The following GCN1 variants were observed in gnomAD, a reference collection of about 807,000 sequenced individuals.
The protein encoded by GCN1 is GCN1 activator of EIF2AK4.
In GCN1, 90 loss-of-function variants were observed where a neutral mutation model predicts 288.4. The ratio of observed to expected loss-of-function variants is 0.31; its 90% CI spans 0.26 to 0.37. The LOEUF is 0.37. GCN1 is among the 10% of genes least tolerant of loss of function. GCN1 has a pLI of 1.00. For synonymous variants in GCN1, 1,386 were observed against 1,420.2 expected (o/e 0.98, Z 0.54); for missense variants, 2,586 against 3,419.9 (o/e 0.76, Z 6.08).
chr12:120,174,591 C>G (rs1276534275), intron 12 of GCN1, among the ~76,000 whole-genome samples: 1 of 150,624 alleles, frequency 6.6e-6, no homozygotes, highest in Non-Finnish European at 1.5e-5. Flanking sequence ...AAGATCGAGA[C>G]CATCCTGGCC....
In GCN1 at chr12:120,137,239, G is replaced by C. The variant is rs1288667088; in HGVS notation, c.6744C>G (p.Gly2248=). 3.1e-6 allele frequency: 5 copies of C among 1,613,956 alleles called. No individual in the cohort carries two copies. The highest frequency in any genetic ancestry group is 3.4e-6 in the Non-Finnish European group (4 of 1,179,980). ...GGAGGCAGAATCCTGGCACATGCTCGCCTTTGCTCTCGTTCCCTATGAGCC... is the reference window on the plus strand; with the variant it reads ...GGAGGCAGAATCCTGGCACATGCTCCCCTTTGCTCTCGTTCCCTATGAGCC... ...EIRLIGNESK[G]EHVPGFCLPK... Residue 2248 remains glycine (G), a synonymous_variant, in exon 50 of 58, where the codon GGC becomes GGG. Coordinates refer to ENST00000300648, the MANE Select transcript of GCN1 (RefSeq NM_006836.2). The surrounding 1 kb of genome is among the most constrained non-coding windows in gnomAD (Gnocchi z 5.2).
At chr12:120,161,725 G>T in intron 21 of GCN1, 142 bp from the exon 22 acceptor site, 1 of 904,520 alleles carries the variant, frequency 1.1e-6, no homozygotes, top group Non-Finnish European at 1.8e-6. Flanking sequence ...TAAATACCCA[G>T]GACCTAAGCA....
Position 120,137,874 on chromosome 12 carries a change from G to A in GCN1, c.6393+27C>T, listed in dbSNP as rs746120580. On this transcript the variant is annotated intron_variant, in intron 48 of 57. Transcript: ENST00000300648. This position sits in a 1 kb window ranked among gnomAD's most constrained non-coding sequence, Gnocchi z 5.2. Reference sequence around the variant, plus strand: ...GATCCTCCGGGCAGACGGGACATGAGAAAGCAGGAGCAGGCTCGCCCCTTA... The same window carrying A: ...GATCCTCCGGGCAGACGGGACATGAAAAAGCAGGAGCAGGCTCGCCCCTTA... 7 of 1,613,320 alleles carry A rather than the reference G, an allele frequency of 4.3e-6. No homozygotes were observed. The highest frequency in any genetic ancestry group is 1.3e-5 in the African/African-American group (1 of 74,942).
intron 5 of GCN1, among the ~76,000 whole-genome samples, chr12:120,180,273 G>T (rs1045781312): frequency 1.3e-5 from 2 of 151,892 alleles, no homozygotes; most frequent in African/African-American, 4.8e-5. Context: ...GCGGTGAGCC[G>T]AGATCACGCC....
chr12:120,143,640 C>A (rs1877269949), intron 42 of GCN1, among the ~76,000 whole-genome samples: 2 of 150,908 alleles, frequency 1.3e-5, no homozygotes, highest in Non-Finnish European at 2.9e-5. Context: ...TTTAAATCAA[C>A]CTCCAATTTT....
rs1878554104 is a variant in GCN1 at position 120,178,667 on chromosome 12, G to C, written c.618C>G (p.Phe206Leu). 2.5e-6 allele frequency: 4 copies of C among 1,614,212 alleles called. No individual in the cohort carries two copies. Among genetic ancestry groups the C allele is most frequent in the Non-Finnish European group, 3.4e-6 (4 of 1,180,014 alleles). The change falls in exon 7 of 58, where the codon TTC (phenylalanine) becomes TTG (leucine). Residue 206 changes from phenylalanine (F) to leucine (L), a missense_variant. By Grantham distance (22) the Phe-to-Leu change is conservative. This residue lies in a region of GCN1 where 913 missense variants were observed against 1,107.0 expected (regional missense o/e 0.82). Transcript: ENST00000300648. ...YAGMLGLLVQ[F>L]CTSHKEMDVV... ...CGTCCATCTCCTTGTGACTCGTGCA[G>C]AACTGCACCAGCAGCCCCAGCATGC...
rs994244862 is a variant in GCN1 at position 120,155,177 on chromosome 12, G to A, written c.3630+64C>T. On this transcript the variant is annotated intron_variant, in intron 30 of 57. Coordinates refer to ENST00000300648, the MANE Select transcript of GCN1 (RefSeq NM_006836.2). This position sits in a 1 kb window ranked among gnomAD's most constrained non-coding sequence, Gnocchi z 4.9. ...AGATTCCTGTCTGGAGCAGTAGCGG[G>A]GTGAGCAGAGACCCACCCAACCGCA... 1 of 1,549,586 alleles carries A rather than the reference G, an allele frequency of 6.5e-7. No individual in the cohort carries two copies. The highest frequency in any genetic ancestry group is 1.4e-5 in the African/African-American group (1 of 73,630).
rs1877803125 is a variant in GCN1, at chr12:120,157,909, G to A, written c.3027C>T (p.Ile1009=). 1.9e-6 allele frequency: 3 copies of A among 1,614,046 alleles called. No individual in the cohort carries two copies. Among genetic ancestry groups the A allele is most frequent in the Non-Finnish European group, 2.5e-6 (3 of 1,180,042 alleles). The change falls in exon 26 of 58, where the codon ATC becomes ATT. Residue 1009 remains isoleucine (I), a synonymous_variant. Transcript: ENST00000300648. ...CCCTCAGCTGGGCTTGGACAGTGAG[G>A]ATCTGAAGAATCTGGGCCATCCACT... ...EEEWMAQILQ[I]LTVQAQLRAS...
chr12:120,141,070 G>A, intron 44 of GCN1, 47 bp from the exon 45 acceptor site: 7 of 1,553,494 alleles, frequency 4.5e-6, no homozygotes, highest in Non-Finnish European at 6.1e-6. Flanking sequence ...GCAAAGCCCA[G>A]GGCACCCAGA....
Position 120,145,254 on chromosome 12 carries a change from A to T in GCN1, c.5016+8T>A. ...CCTGGCCCATCCCCCAGCCTACCTCAGACTCACCTCAGGCACAGGGTCCAA... is the reference window on the plus strand; with the variant it reads ...CCTGGCCCATCCCCCAGCCTACCTCTGACTCACCTCAGGCACAGGGTCCAA... On this transcript the variant is annotated splice_region_variant and intron_variant, in intron 39 of 57. Transcript: ENST00000300648. 1 of 1,594,650 alleles carries T rather than the reference A, an allele frequency of 6.3e-7. No homozygotes were observed. Among genetic ancestry groups the T allele is most frequent in the African/African-American group, 1.3e-5 (1 of 74,288 alleles).
intron 5 of GCN1, among the ~76,000 whole-genome samples, chr12:120,180,579 T>C (rs1454766530): frequency 1.3e-5 from 2 of 151,866 alleles, no homozygotes; most frequent in Non-Finnish European, 2.9e-5. Context: ...CACTCCAGCC[T>C]GGTGACAGAG....
chr12:120,151,010 C>G, intron 34 of GCN1, 135 bp downstream of exon 34: 1 of 923,296 alleles, frequency 1.1e-6, no homozygotes, highest in Non-Finnish European at 1.7e-6. Flanking sequence ...TGGACTGGGT[C>G]GCACACAGCG....
At chr12:120,170,575 G>A (rs1003593866) in intron 14 of GCN1, among the ~76,000 whole-genome samples, 3 of 152,156 alleles carry the variant, frequency 2.0e-5, no homozygotes, top group African/African-American at 4.8e-5. Flanking sequence ...TTGGGAGGCC[G>A]AGGCGGGTGG....
At chr12:120,188,140 A>G (rs1452934490) in intron 2 of GCN1, among the ~76,000 whole-genome samples, 1 of 152,260 alleles carries the variant, frequency 6.6e-6, no homozygotes, top group East Asian at 1.9e-4. Flanking sequence ...GACATCAAAA[A>G]CATGACCTCT....
Position 120,155,397 on chromosome 12 carries a change from T to C in GCN1, c.3474A>G (p.Pro1158=), listed in dbSNP as rs755615751. Reference sequence around the variant, plus strand: ...CGTCAATCAGCAAGGAGCAGAGGTCTGGCTGCAGGTCTAGGCCCATCATTG... The same window carrying C: ...CGTCAATCAGCAAGGAGCAGAGGTCCGGCTGCAGGTCTAGGCCCATCATTG... ...LWSMMGLDLQ[P]DLCSLLIDDV... The change falls in exon 30 of 58, where the codon CCA becomes CCG. Residue 1158 remains proline (P), a synonymous_variant. Transcript: ENST00000300648. This position sits in a 1 kb window ranked among gnomAD's most constrained non-coding sequence, Gnocchi z 4.9. The C allele has an allele frequency of 3.7e-6, 6 of 1,613,920 alleles. No individual in the cohort carries two copies. The South Asian group carries it at 5.5e-5, about 15-fold the overall frequency.
chr12:120,149,607 A>G lies in GCN1; in HGVS notation c.4545T>C (p.Ala1515=). Reference sequence around the variant, plus strand: ...GAGAGGCAGAGCGAGTGGTCTTACCAGCTTTGGTCCGCCACGATTCCTCCT... The same window carrying G: ...GAGAGGCAGAGCGAGTGGTCTTACCGGCTTTGGTCCGCCACGATTCCTCCT... ...ALEEESWRTK[A]GSVELLGAMA... Residue 1515 remains alanine, a splice_region_variant and synonymous_variant, in exon 36 of 58, where the codon GCT becomes GCC. Coordinates refer to ENST00000300648, the MANE Select transcript of GCN1 (RefSeq NM_006836.2). 1 of 1,608,662 alleles carries G rather than the reference A, an allele frequency of 6.2e-7. No individual in the cohort carries two copies. The highest frequency in any genetic ancestry group is 1.3e-5 in the African/African-American group (1 of 74,946).
chr12:120,187,096 G>C (rs776300683), intron 2 of GCN1, among the ~76,000 whole-genome samples: 17 of 152,156 alleles, frequency 1.1e-4, no homozygotes, highest in Non-Finnish European at 2.2e-4. Flanking sequence ...TACAAGCTTG[G>C]GTATCTTACT....
chr12:120,175,681 C>T (rs61945823), intron 11 of GCN1, 65 bp downstream of exon 11: 42,376 of 1,526,646 alleles, frequency 0.028, 728 homozygotes, highest in Non-Finnish European at 0.033. Flanking sequence ...CCCTTCAGAT[C>T]CCAGTTGAGG....
chr12:120,132,937 G>A (rs1876877581), intron 53 of GCN1, among the ~76,000 whole-genome samples: 2 of 152,220 alleles, frequency 1.3e-5, no homozygotes, highest in South Asian at 2.1e-4. Flanking sequence ...CTCTGACACC[G>A]ACTCTCTCCA....
Sources: allele counts gnomAD v4.1 joint callset (sites outside exome capture counted in the v4.1 genomes callset), GRCh38; gene constraint gnomAD v4.1.1; regional missense constraint gnomAD v4.1.1; non-coding constraint Gnocchi (gnomAD v3.1); transcripts MANE v1.5; gene names NCBI Gene and HGNC (gene_info 2026-07-23, HGNC 2026-07-21).